GNA14: variants seen among roughly 807,000 people sequenced by gnomAD.
The protein encoded by GNA14 is guanine nucleotide-binding protein subunit alpha-14.
In GNA14, 50 loss-of-function variants were observed where a neutral mutation model predicts 42.0. That is an observed-to-expected ratio of 1.19 (90% CI 0.95 to 1.51). GNA14 has a LOEUF of 1.51. GNA14 is among the 40% of genes most tolerant of loss of function. The pLI is 0.00. For missense variants in GNA14, 473 were observed against 446.2 expected, an observed-to-expected ratio of 1.06 and a Z score of -0.54; for synonymous variants, 173 against 163.1, an observed-to-expected ratio of 1.06 and a Z score of -0.46.
intron 2 of GNA14, among the ~76,000 whole-genome samples, chr9:77,505,431 G>A (rs973216045): frequency 6.6e-6 from 1 of 152,142 alleles, no homozygotes; most frequent in Non-Finnish European, 1.5e-5. Context: ...TCATGGTGCT[G>A]TATTGTAAAT....
intron 1 of GNA14, among the ~76,000 whole-genome samples, chr9:77,542,423 G>C (rs970983644): frequency 1.3e-5 from 2 of 152,286 alleles, no homozygotes; most frequent in East Asian, 1.9e-4. Context: ...TTAGTGGTGG[G>C]AGCAGTGAGC....
At chr9:77,517,789 G>T (rs641487) in intron 2 of GNA14, among the ~76,000 whole-genome samples, 1 of 151,050 alleles carries the variant, frequency 6.6e-6, no homozygotes, top group Admixed American at 6.6e-5. Flanking sequence ...ATTTTTTGTA[G>T]AAACAGGATA....
intron 1 of GNA14, among the ~76,000 whole-genome samples, chr9:77,620,923 A>T (rs1823911776): frequency 1.3e-5 from 2 of 151,596 alleles, no homozygotes; most frequent in South Asian, 4.2e-4. Flanking sequence ...ATTTTTTAAA[A>T]TGACTTTATT....
intron 2 of GNA14, among the ~76,000 whole-genome samples, chr9:77,444,157 C>T (rs1384113578): frequency 6.6e-6 from 1 of 152,192 alleles, no homozygotes; most frequent in Admixed American, 6.5e-5. Context: ...CAGAATGCCC[C>T]ACCATGTTTG....
intron 2 of GNA14, among the ~76,000 whole-genome samples, chr9:77,490,222 G>C (rs1450819002): frequency 6.6e-6 from 1 of 152,178 alleles, no homozygotes; most frequent in African/African-American, 2.4e-5. Flanking sequence ...CATAAACCTT[G>C]AGCTAAACAC....
intron 1 of GNA14, among the ~76,000 whole-genome samples, chr9:77,633,132 G>T (rs567665487): frequency 6.6e-6 from 1 of 152,152 alleles, no homozygotes; most frequent in Non-Finnish European, 1.5e-5. Context: ...GGAGAAGGAG[G>T]ATGATAAGTA....
chr9:77,618,053 G>C (rs914251631), intron 1 of GNA14, among the ~76,000 whole-genome samples: 1 of 151,994 alleles, frequency 6.6e-6, no homozygotes, highest in South Asian at 2.1e-4. Context: ...CATAAGACCA[G>C]GGCCTTTGTT....
At chr9:77,536,971 T>A (rs77264495) in intron 1 of GNA14, among the ~76,000 whole-genome samples, 2 of 152,208 alleles carry the variant, frequency 1.3e-5, no homozygotes, top group African/African-American at 4.8e-5. Flanking sequence ...ATACAAAGTA[T>A]TTTACATATT....
intron 2 of GNA14, among the ~76,000 whole-genome samples, chr9:77,469,773 T>C (rs1216790981): frequency 6.6e-6 from 1 of 152,160 alleles, no homozygotes; most frequent in Non-Finnish European, 1.5e-5. Flanking sequence ...AGTCTTGGCA[T>C]GGTTGGTTCT....
At chr9:77,539,324 G>T (rs1292609780) in intron 1 of GNA14, among the ~76,000 whole-genome samples, 1 of 152,154 alleles carries the variant, frequency 6.6e-6, no homozygotes, top group Admixed American at 6.5e-5. Flanking sequence ...ATTTGCATAT[G>T]TTGGACCATT....
chr9:77,632,274 G>C (rs1034693272), intron 1 of GNA14, among the ~76,000 whole-genome samples: 1 of 152,176 alleles, frequency 6.6e-6, no homozygotes, highest in African/African-American at 2.4e-5. Context: ...GGGCATCCTG[G>C]GTGCCATGGG....
chr9:77,579,026 A>G (rs1459346729), intron 1 of GNA14, among the ~76,000 whole-genome samples: 1 of 152,174 alleles, frequency 6.6e-6, no homozygotes, highest in Non-Finnish European at 1.5e-5. Context: ...CCTCTGCTCT[A>G]TTCTCCAGGC....
intron 2 of GNA14, among the ~76,000 whole-genome samples, chr9:77,475,273 T>C (rs536200267): frequency 2.0e-5 from 3 of 152,174 alleles, no homozygotes; most frequent in African/African-American, 7.2e-5. Context: ...TTTGTTCAAC[T>C]GGTAATCACC....
At chr9:77,603,719 A>G (rs1823603722) in intron 1 of GNA14, among the ~76,000 whole-genome samples, 1 of 152,088 alleles carries the variant, frequency 6.6e-6, no homozygotes, top group Non-Finnish European at 1.5e-5. Context: ...TAATCCCAGC[A>G]CTTTGGGAGG....
chr9:77,558,935 A>AGAAC (rs370538581), intron 1 of GNA14, among the ~76,000 whole-genome samples: 1 of 151,748 alleles, frequency 6.6e-6, no homozygotes, highest in African/African-American at 2.4e-5. Flanking sequence ...AAAACAAAAA[A>AGAAC]AAAAACAAAA....
intron 2 of GNA14, among the ~76,000 whole-genome samples, chr9:77,452,150 A>C (rs1468662105): frequency 1.3e-5 from 2 of 152,212 alleles, no homozygotes; most frequent in Admixed American, 1.3e-4. Flanking sequence ...TGGTCCTGTC[A>C]GCAGGTCTGA....
At chr9:77,622,884 ACT>A (rs1164798999) in intron 1 of GNA14, among the ~76,000 whole-genome samples, 1 of 137,636 alleles carries the variant, frequency 7.3e-6, no homozygotes, top group East Asian at 2.2e-4. Flanking sequence ...ACAGAGTGAG[ACT>A]CTGTCTCAAA....
intron 1 of GNA14, among the ~76,000 whole-genome samples, chr9:77,565,683 C>T (rs1822956584): frequency 6.6e-6 from 1 of 152,212 alleles, no homozygotes; most frequent in South Asian, 2.1e-4. Context: ...GTCTCAAACT[C>T]CCTGCCTCGA....
At chr9:77,514,047 G>C (rs1400282784) in intron 2 of GNA14, among the ~76,000 whole-genome samples, 1 of 152,006 alleles carries the variant, frequency 6.6e-6, no homozygotes, top group Non-Finnish European at 1.5e-5. Context: ...TCCTGGAAGG[G>C]TACATTTGCA....
Sources: allele counts gnomAD v4.1 joint callset (sites outside exome capture counted in the v4.1 genomes callset), GRCh38; gene constraint gnomAD v4.1.1; transcripts MANE v1.5; gene names NCBI Gene and HGNC (gene_info 2026-07-23, HGNC 2026-07-21).